The following RXRA variants were observed in gnomAD, a reference collection of about 807,000 sequenced individuals.
The protein encoded by RXRA is retinoic acid receptor RXR-alpha.
In RXRA, 5 loss-of-function variants were observed where a neutral mutation model predicts 44.5. The ratio of observed to expected loss-of-function variants is 0.11; its 90% CI spans 0.06 to 0.24. The LOEUF (loss-of-function observed/expected upper bound fraction) is 0.24. Ranked by LOEUF, RXRA falls within the 10% of genes least tolerant of loss-of-function variation. The pLI, the probability that RXRA is intolerant of heterozygous loss-of-function variation, is 1.00. For missense variants in RXRA, 412 were observed against 646.5 expected (o/e 0.64, Z 3.93); for synonymous variants, 291 against 271.4 (o/e 1.07, Z -0.71).
chr9:134,328,361 G>A (rs1322609098), intron 1 of RXRA, among the ~76,000 whole-genome samples: 1 of 152,124 alleles, frequency 6.6e-6, no homozygotes, highest in African/African-American at 2.4e-5. Flanking sequence ...GATGTAGGGC[G>A]AGGGAGCAAG....
At chr9:134,331,265 G>A (rs543208593) in intron 1 of RXRA, among the ~76,000 whole-genome samples, 4 of 152,366 alleles carry the variant, frequency 2.6e-5, no homozygotes, top group Non-Finnish European at 2.9e-5. Flanking sequence ...GTGCCCCAGC[G>A]CCTCACAGAC....
At chr9:134,339,641 G>C (rs1554747832) in intron 1 of RXRA, among the ~76,000 whole-genome samples, 2 of 150,110 alleles carry the variant, frequency 1.3e-5, no homozygotes, top group East Asian at 3.9e-4. Flanking sequence ...GAGCCTGTGC[G>C]TGTGTCTGTG....
At chr9:134,389,553 G>A (rs73554187) in intron 1 of RXRA, among the ~76,000 whole-genome samples, 16,496 of 152,154 alleles carry the variant, frequency 0.11, 3,010 homozygotes, top group African/African-American at 0.37. Flanking sequence ...TTTGGATTTT[G>A]GGGGTGTAAT....
At chr9:134,412,751 G>A (rs894791701) in intron 4 of RXRA, among the ~76,000 whole-genome samples, 3 of 152,184 alleles carry the variant, frequency 2.0e-5, no homozygotes, top group African/African-American at 7.2e-5. Flanking sequence ...GCTCTGATGG[G>A]GAAGACAGGC....
chr9:134,390,986 G>T (rs888003431), intron 1 of RXRA, among the ~76,000 whole-genome samples: 1 of 152,194 alleles, frequency 6.6e-6, no homozygotes, highest in African/African-American at 2.4e-5. Context: ...TGCTGAGCAG[G>T]TGCTCTGTCC....
chr9:134,377,832 C>T (rs954742742), intron 1 of RXRA, among the ~76,000 whole-genome samples: 2 of 152,240 alleles, frequency 1.3e-5, no homozygotes, highest in African/African-American at 4.8e-5. Flanking sequence ...CGCTGCCCCC[C>T]TCCACACCCA....
chr9:134,382,288 T>A (rs1008774060), intron 1 of RXRA, among the ~76,000 whole-genome samples: 7 of 151,918 alleles, frequency 4.6e-5, no homozygotes, highest in African/African-American at 7.3e-5. Context: ...TGTGTGTGTG[T>A]GTGTGCGCTT....
intron 1 of RXRA, among the ~76,000 whole-genome samples, chr9:134,350,811 G>A (rs1432548392): frequency 6.6e-6 from 1 of 152,264 alleles, no homozygotes; most frequent in African/African-American, 2.4e-5. Context: ...ACGAGGAGAT[G>A]CATTCGAGGG....
At chr9:134,377,150 G>A (rs574326153) in intron 1 of RXRA, among the ~76,000 whole-genome samples, 64 of 152,332 alleles carry the variant, frequency 4.2e-4, no homozygotes, top group African/African-American at 1.4e-3. Flanking sequence ...CGCTGCATCC[G>A]TGCTGGGCAC....
At chr9:134,360,891 G>A (rs1830342719) in intron 1 of RXRA, among the ~76,000 whole-genome samples, 1 of 152,270 alleles carries the variant, frequency 6.6e-6, no homozygotes, top group African/African-American at 2.4e-5. Flanking sequence ...GCTCCCTGCA[G>A]GGGCTCTGAG....
At chr9:134,345,301 A>G (rs1830136773) in intron 1 of RXRA, among the ~76,000 whole-genome samples, 1 of 152,176 alleles carries the variant, frequency 6.6e-6, no homozygotes, top group South Asian at 2.1e-4. Flanking sequence ...GTGCTCATGA[A>G]GTGTAGCTGC....
chr9:134,422,284 T>A, intron 6 of RXRA: 1 of 1,246,162 alleles, frequency 8.0e-7, no homozygotes. Flanking sequence ...CAGGACACAC[T>A]CCTACTTCCT....
chr9:134,340,600 G>T (rs1554748007), intron 1 of RXRA, among the ~76,000 whole-genome samples: 1 of 152,142 alleles, frequency 6.6e-6, no homozygotes, highest in Non-Finnish European at 1.5e-5. Flanking sequence ...ATCCCTTTCT[G>T]CAGGCACCCA....
chr9:134,363,007 A>T (rs985884753), intron 1 of RXRA, among the ~76,000 whole-genome samples: 9 of 152,142 alleles, frequency 5.9e-5, no homozygotes, highest in African/African-American at 2.2e-4. Context: ...ATTTGGGGAG[A>T]GTGTGGACGG....
At chr9:134,350,978 G>C (rs985572653) in intron 1 of RXRA, among the ~76,000 whole-genome samples, 8 of 152,238 alleles carry the variant, frequency 5.3e-5, no homozygotes, top group East Asian at 3.8e-4. Flanking sequence ...CCTCAGCAAG[G>C]GGGGGCTGAG....
At chr9:134,341,695 C>T (rs1265521235) in intron 1 of RXRA, among the ~76,000 whole-genome samples, 2 of 152,100 alleles carry the variant, frequency 1.3e-5, no homozygotes, top group Admixed American at 6.5e-5. Flanking sequence ...TCTGGGAGCT[C>T]CAGGGCGGCT....
At chr9:134,408,121 C>T (rs752763732) in intron 2 of RXRA, 28 bp from the exon 3 acceptor site, 42 of 1,513,630 alleles carry the variant, frequency 2.8e-5, no homozygotes, top group South Asian at 4.0e-5. Context: ...GTGTACACCC[C>T]GCTGACTGCT....
chr9:134,374,595 A>G (rs912725669), intron 1 of RXRA, among the ~76,000 whole-genome samples: 1 of 152,130 alleles, frequency 6.6e-6, no homozygotes, highest in Non-Finnish European at 1.5e-5. Context: ...CAACCTCCAC[A>G]TGTTGAGCCC....
chr9:134,433,994 GCCC>G lies in RXRA; in HGVS notation c.1136-107_1136-105del. The G allele has an allele frequency of 1.3e-6, 1 of 749,876 alleles. No homozygotes were observed. Among genetic ancestry groups the G allele is most frequent in the South Asian group, 1.6e-5 (1 of 60,884 alleles). 46.5% of individuals were successfully genotyped at this position (749,876 alleles called of 1,614,324 possible). ...GCGGCATTCCTCCACCACCTGCTCT[GCCC>G]ATGGTGGGGCAGCCTGGGAGACCCC... On this transcript the variant is annotated intron_variant, in intron 8 of 9. Coordinates refer to ENST00000481739, the MANE Select transcript of RXRA (RefSeq NM_002957.6). The surrounding 1 kb of genome is among the most constrained non-coding windows in gnomAD (Gnocchi z 4.2).
Sources: allele counts gnomAD v4.1 joint callset (sites outside exome capture counted in the v4.1 genomes callset), GRCh38; gene constraint gnomAD v4.1.1; non-coding constraint Gnocchi (gnomAD v3.1); transcripts MANE v1.5; gene names NCBI Gene and HGNC (gene_info 2026-07-23, HGNC 2026-07-21).